The following PTPRD variants were observed in gnomAD, a reference collection of about 807,000 sequenced individuals.
The protein encoded by PTPRD is receptor-type tyrosine-protein phosphatase delta.
In PTPRD, 34 loss-of-function variants were observed where a neutral mutation model predicts 214.5. The observed-to-expected ratio is 0.16, with a 90% CI of 0.12 to 0.21. The LOEUF is 0.21. PTPRD is among the 10% of genes least tolerant of loss of function. The probability of loss-of-function intolerance (pLI) is 1.00; values close to 1 mark genes in which losing one functional copy is unlikely to be tolerated. For synonymous variants in PTPRD, 1,128 were observed against 845.7 expected, an observed-to-expected ratio of 1.33 and a Z score of -5.79; for missense variants, 2,545 against 2,398.7, an observed-to-expected ratio of 1.06 and a Z score of -1.27.
At chr9:9,380,661 G>T (rs2061958501) in intron 9 of PTPRD, among the ~76,000 whole-genome samples, 1 of 152,092 alleles carries the variant, frequency 6.6e-6, no homozygotes, top group South Asian at 2.1e-4. Flanking sequence ...TTTTGCCATT[G>T]TTGGATGAAG....
At chr9:10,310,720 G>A (rs1033698690) in intron 3 of PTPRD, among the ~76,000 whole-genome samples, 3 of 152,078 alleles carry the variant, frequency 2.0e-5, no homozygotes, top group Non-Finnish European at 2.9e-5. Context: ...TAAGCCTTTG[G>A]TATATGTATG....
intron 10 of PTPRD, among the ~76,000 whole-genome samples, chr9:9,076,955 G>C (rs1178141264): frequency 6.6e-6 from 1 of 151,808 alleles, no homozygotes; most frequent in African/African-American, 2.4e-5. Context: ...GCACATCCTT[G>C]GTAGAATTTG....
intron 2 of PTPRD, among the ~76,000 whole-genome samples, chr9:10,606,619 G>A (rs1235426438): frequency 6.7e-6 from 1 of 150,354 alleles, no homozygotes; most frequent in Non-Finnish European, 1.5e-5. Flanking sequence ...TTTTCTATGT[G>A]GTATAAAGAA....
chr9:8,940,827 G>GTGA (rs5896286), intron 11 of PTPRD, among the ~76,000 whole-genome samples: 12,153 of 139,974 alleles, frequency 0.087, 1,602 homozygotes, highest in African/African-American at 0.28. Flanking sequence ...CAAAACATTA[G>GTGA]TGATGATGAT....
intron 11 of PTPRD, among the ~76,000 whole-genome samples, chr9:9,013,103 G>C (rs2099518581): frequency 1.3e-5 from 2 of 152,070 alleles, no homozygotes; most frequent in Admixed American, 6.6e-5. Flanking sequence ...TGTTTTTTAA[G>C]CACCAATGCT....
At chr9:10,019,583 A>T (rs190625942) in intron 4 of PTPRD, among the ~76,000 whole-genome samples, 105 of 152,322 alleles carry the variant, frequency 6.9e-4, no homozygotes, top group African/African-American at 2.2e-3. Flanking sequence ...TACACCATGG[A>T]ATACTATGCA....
chr9:9,525,794 A>C (rs140756652), intron 8 of PTPRD, among the ~76,000 whole-genome samples: 1 of 152,076 alleles, frequency 6.6e-6, no homozygotes, highest in Admixed American at 6.5e-5. Context: ...CATATTTCTT[A>C]AATTTTATAC....
chr9:8,546,702 G>A (rs1271806974), intron 14 of PTPRD, among the ~76,000 whole-genome samples: 1 of 152,050 alleles, frequency 6.6e-6, no homozygotes, highest in Non-Finnish European at 1.5e-5. Context: ...GTTTCACCAC[G>A]TTGGCCAGGC....
intron 2 of PTPRD, among the ~76,000 whole-genome samples, chr9:10,427,668 T>G (rs2098635438): frequency 6.6e-6 from 1 of 152,026 alleles, no homozygotes; most frequent in Non-Finnish European, 1.5e-5. Context: ...CTGTCCCGAT[T>G]AGATAAATAA....
chr9:8,500,837 T>C lies in PTPRD; in HGVS notation c.2045A>G (p.Glu682Gly). 1 of 1,614,174 alleles carries C rather than the reference T, an allele frequency of 6.2e-7. No individual in the cohort carries two copies. Among genetic ancestry groups the C allele is most frequent in the African/African-American group, 1.3e-5 (1 of 75,048 alleles). The change falls in exon 24 of 46, where the codon GAA becomes GGA. Residue 682 changes from glutamate to glycine, a missense_variant. Transcript: ENST00000381196. ...ATGGGCTGTCACAGTGATCCGGTAT[T>C]CAGTCCATTTTTCCAGCTGTTCCAA... ...YLLEQLEKWT[E>G]YRITVTAHTD...
intron 21 of PTPRD, 126 bp downstream of exon 21, chr9:8,517,722 C>T: frequency 1.3e-6 from 1 of 762,902 alleles, no homozygotes; most frequent in Non-Finnish European, 2.1e-6. Flanking sequence ...TCATCTGTTG[C>T]TTTGAAGCCC....
At chr9:9,219,535 A>G (rs1217933453) in intron 9 of PTPRD, among the ~76,000 whole-genome samples, 1 of 152,158 alleles carries the variant, frequency 6.6e-6, no homozygotes, top group Admixed American at 6.6e-5. Flanking sequence ...TTAAAGTCAT[A>G]GAGATACATT....
intron 11 of PTPRD, among the ~76,000 whole-genome samples, chr9:8,831,249 C>G (rs765961716): frequency 6.6e-6 from 1 of 152,304 alleles, no homozygotes; most frequent in East Asian, 1.9e-4. Context: ...CAGACATTCT[C>G]TTTTCTGATG....
chr9:10,221,665 T>C (rs1594632057), intron 3 of PTPRD, among the ~76,000 whole-genome samples: 1 of 152,040 alleles, frequency 6.6e-6, no homozygotes, highest in East Asian at 1.9e-4. Context: ...TGTGTATAAA[T>C]AGATGTATTT....
intron 11 of PTPRD, among the ~76,000 whole-genome samples, chr9:8,806,009 A>G (rs1566210005): frequency 4.0e-5 from 6 of 150,242 alleles, no homozygotes; most frequent in Admixed American, 1.3e-4. Flanking sequence ...AAAAAAAAAA[A>G]AAAGAAAGAA....
chr9:10,050,428 C>T (rs749681785), intron 3 of PTPRD, among the ~76,000 whole-genome samples: 23 of 150,826 alleles, frequency 1.5e-4, no homozygotes, highest in Non-Finnish European at 3.0e-4. Context: ...GGCGTGGTGG[C>T]GCGCGTCTGT....
chr9:10,422,047 C>G (rs187053426), intron 2 of PTPRD, among the ~76,000 whole-genome samples: 8 of 151,982 alleles, frequency 5.3e-5, no homozygotes, highest in Non-Finnish European at 7.4e-5. Context: ...ATCACGCTAC[C>G]TGACTTCAAA....
chr9:8,493,312 C>G (rs2097188684), intron 26 of PTPRD, among the ~76,000 whole-genome samples: 1 of 152,146 alleles, frequency 6.6e-6, no homozygotes, highest in South Asian at 2.1e-4. Context: ...GCCTCCATTT[C>G]CCATCTGAAT....
chr9:9,866,607 G>C (rs906697058), intron 5 of PTPRD, among the ~76,000 whole-genome samples: 1 of 152,104 alleles, frequency 6.6e-6, no homozygotes, highest in Non-Finnish European at 1.5e-5. Context: ...ATAAAACAAA[G>C]TGAAAAGTAG....
Sources: allele counts gnomAD v4.1 joint callset (sites outside exome capture counted in the v4.1 genomes callset), GRCh38; gene constraint gnomAD v4.1.1; transcripts MANE v1.5; gene names NCBI Gene and HGNC (gene_info 2026-07-23, HGNC 2026-07-21).